WWOX: variants seen among roughly 807,000 people sequenced by gnomAD.
The protein encoded by WWOX is WW domain containing oxidoreductase.
WWOX carries 69 observed loss-of-function variants against 46.2 expected under a neutral mutation model. That is an observed-to-expected ratio of 1.49 (90% CI 1.23 to 1.82). The LOEUF (loss-of-function observed/expected upper bound fraction) is 1.82. WWOX is among the 40% of genes most tolerant of loss of function. WWOX has a pLI of 0.00. For synonymous variants in WWOX, 359 were observed against 202.6 expected (o/e 1.77, Z -6.56); for missense variants, 919 against 542.6 (o/e 1.69, Z -6.89).
At chr16:79,044,064 G>T (rs966237477) in intron 8 of WWOX, among the ~76,000 whole-genome samples, 3 of 152,184 alleles carry the variant, frequency 2.0e-5, no homozygotes, top group Non-Finnish European at 4.4e-5. Flanking sequence ...CAGACCCGGT[G>T]GCCTGAGAGT....
chr16:78,781,182 G>C (rs2050314530), intron 8 of WWOX, among the ~76,000 whole-genome samples: 1 of 152,226 alleles, frequency 6.6e-6, no homozygotes, highest in Non-Finnish European at 1.5e-5. Flanking sequence ...TGTTGATGGG[G>C]TGTGTTGTGA....
intron 8 of WWOX, among the ~76,000 whole-genome samples, chr16:78,974,682 G>C (rs2046536767): frequency 6.6e-6 from 1 of 152,148 alleles, no homozygotes; most frequent in African/African-American, 2.4e-5. Context: ...AGATTATTCT[G>C]TGGCTACCTA....
chr16:78,781,844 G>T (rs1467715764), intron 8 of WWOX, among the ~76,000 whole-genome samples: 1 of 152,300 alleles, frequency 6.6e-6, no homozygotes, highest in South Asian at 2.1e-4. Context: ...GATGATGGTA[G>T]CAGTTATGAG....
At chr16:78,411,865 C>T (rs537219966) in intron 6 of WWOX, among the ~76,000 whole-genome samples, 17 of 152,238 alleles carry the variant, frequency 1.1e-4, no homozygotes, top group African/African-American at 1.7e-4. Context: ...TTCCTATGAT[C>T]GATTAGGGGA....
intron 8 of WWOX, among the ~76,000 whole-genome samples, chr16:79,083,063 C>T (rs1274907887): frequency 1.3e-5 from 2 of 152,158 alleles, no homozygotes; most frequent in African/African-American, 4.8e-5. Flanking sequence ...CCATTTTCAT[C>T]TTCACTGTAA....
At chr16:78,112,334 C>G (rs894823292) in intron 3 of WWOX, among the ~76,000 whole-genome samples, 2 of 152,200 alleles carry the variant, frequency 1.3e-5, no homozygotes, top group African/African-American at 2.4e-5. Context: ...ATAGATACCA[C>G]TGACACTATT....
chr16:78,541,623 G>A (rs1449348545), intron 8 of WWOX, among the ~76,000 whole-genome samples: 1 of 151,712 alleles, frequency 6.6e-6, no homozygotes, highest in Non-Finnish European at 1.5e-5. Context: ...AACTTGGCCA[G>A]ACAGACCTGG....
At chr16:78,230,703 C>G (rs780104930) in intron 5 of WWOX, among the ~76,000 whole-genome samples, 2 of 152,298 alleles carry the variant, frequency 1.3e-5, no homozygotes, top group Non-Finnish European at 2.9e-5. Context: ...AGATCCACTT[C>G]TAAGGTCAGT....
At chr16:79,022,344 CA>C (rs10654627) in intron 8 of WWOX, among the ~76,000 whole-genome samples, 1,849 of 71,176 alleles carry the variant, frequency 0.026, 18 homozygotes, top group African/African-American at 0.067. Context: ...CAATCTGTGG[CA>C]AAAAAAAAAA....
chr16:78,156,100 G>T (rs2034587482), intron 4 of WWOX, among the ~76,000 whole-genome samples: 1 of 152,214 alleles, frequency 6.6e-6, no homozygotes, highest in Non-Finnish European at 1.5e-5. Context: ...AAAGGAAGAT[G>T]TAAGAACCAG....
At chr16:78,192,717 G>A (rs946079933) in intron 5 of WWOX, among the ~76,000 whole-genome samples, 1 of 152,044 alleles carries the variant, frequency 6.6e-6, no homozygotes, top group Non-Finnish European at 1.5e-5. Flanking sequence ...TCTCTTCCTT[G>A]TTTATTTTTT....
At position 79,182,852 on chromosome 16, in the gene WWOX, C is replaced by T. The variant is rs144727001; in HGVS notation, c.1057-28756C>T. 2.6e-3 allele frequency among the ~76,000 whole-genome samples: 393 copies of T among 152,290 alleles called. 1 individual carries two copies. Among genetic ancestry groups the T allele is most frequent in the African/African-American group, 8.8e-3 (367 of 41,554 alleles). The stretch of plus-strand genomic sequence containing the variant: ...GAAATATATGTGGGTGGGTGTGTTT[C>T]TGTTTTCCGTAATTCCAGCTAGGCA... On this transcript the variant is annotated intron_variant, in intron 8 of 8. Coordinates refer to ENST00000566780, the MANE Select transcript of WWOX (RefSeq NM_016373.4).
chr16:78,462,632 G>C lies in WWOX; in HGVS notation c.1056+29880G>C, dbSNP rs1290060648. On this transcript the variant is annotated intron_variant, in intron 8 of 8. Coordinates refer to ENST00000566780, the MANE Select transcript of WWOX (RefSeq NM_016373.4). ...GGTCCGTCTCCAAGTCGCCCTTAGC[G>C]GAGGCAGGAGCAGATGAACTGCCAA... Among the ~76,000 whole-genome samples, 6 of 152,306 alleles carry C rather than the reference G, an allele frequency of 3.9e-5. No individual in the cohort carries two copies. The South Asian group carries it at 1.2e-3, about 32-fold the overall frequency.
chr16:78,989,039 G>A (rs1229075074), intron 8 of WWOX, among the ~76,000 whole-genome samples: 3 of 152,144 alleles, frequency 2.0e-5, no homozygotes, highest in Non-Finnish European at 4.4e-5. Flanking sequence ...TCCTGAGTTC[G>A]ATGATTCAGA....
intron 8 of WWOX, among the ~76,000 whole-genome samples, chr16:78,661,114 C>T (rs778871261): frequency 6.6e-6 from 1 of 152,190 alleles, no homozygotes; most frequent in Non-Finnish European, 1.5e-5. Context: ...AGTGGTGGAA[C>T]AAAGGCACTG....
intron 1 of WWOX, among the ~76,000 whole-genome samples, chr16:78,103,381 G>T (rs1049467288): frequency 1.3e-5 from 2 of 151,692 alleles, no homozygotes; most frequent in African/African-American, 4.9e-5. Flanking sequence ...TAGTTGTTCA[G>T]CCCCCCGTGC....
In WWOX at chr16:78,534,736, A is replaced by G. The variant is rs113964957; in HGVS notation, c.1056+101984A>G. 2.4e-3 allele frequency among the ~76,000 whole-genome samples: 365 copies of G among 151,280 alleles called. 2 individuals are homozygous for G. The highest frequency in any genetic ancestry group is 7.0e-3 in the Admixed American group (106 of 15,186). On this transcript the variant is annotated intron_variant, in intron 8 of 8. Transcript: ENST00000566780. Reference sequence around the variant, plus strand: ...TTTATTTCATTTTATTTTTTTTGAGACAGAGTCTCTGTCTCCAGGCTGGAG... The same window carrying G: ...TTTATTTCATTTTATTTTTTTTGAGGCAGAGTCTCTGTCTCCAGGCTGGAG...
intron 5 of WWOX, among the ~76,000 whole-genome samples, chr16:78,182,967 AGAAAG>A (rs2035580434): frequency 7.2e-6 from 1 of 139,090 alleles, no homozygotes; most frequent in African/African-American, 2.6e-5. Flanking sequence ...AAAAAAAAAA[AGAAAG>A]AAAGAAAGCA....
At chr16:78,404,627 T>C (rs1263770944) in intron 6 of WWOX, among the ~76,000 whole-genome samples, 1 of 152,212 alleles carries the variant, frequency 6.6e-6, no homozygotes, top group Non-Finnish European at 1.5e-5. Flanking sequence ...CTATGGTTCA[T>C]TTGTCAGACG....
Sources: gnomAD v4.1 joint callset for allele counts (sites outside exome capture counted in the v4.1 genomes callset) on GRCh38, gnomAD v4.1.1 for gene constraint, MANE v1.5 for transcripts, NCBI Gene and HGNC (gene_info 2026-07-23, HGNC 2026-07-21) for gene names.